Variants in CYB5R4 observed in about 807,000 individuals in gnomAD.
CYB5R4 encodes N-terminal cytochrome b5 and cytochrome b5 oxidoreductase domain-containing protein.
A neutral mutation model predicts 70.2 loss-of-function variants in CYB5R4; 55 were observed. The observed-to-expected ratio is 0.78, with a 90% CI of 0.63 to 0.98. CYB5R4 has a LOEUF of 0.98. CYB5R4 is among the 50% of genes least tolerant of loss of function. The probability of loss-of-function intolerance (pLI) is 0.00; values close to 1 mark genes in which losing one functional copy is unlikely to be tolerated. For synonymous variants in CYB5R4, 197 were observed against 199.5 expected, an observed-to-expected ratio of 0.99 and a Z score of 0.11; for missense variants, 562 against 612.6, an observed-to-expected ratio of 0.92 and a Z score of 0.87.
At chr6:83,886,439 T>C (rs933598837) in intron 2 of CYB5R4, among the ~76,000 whole-genome samples, 1 of 152,196 alleles carries the variant, frequency 6.6e-6, no homozygotes, top group African/African-American at 2.4e-5. Flanking sequence ...AGAAGAAATA[T>C]TATCCATCCC....
chr6:83,905,516 C>T (rs76232266), intron 3 of CYB5R4, among the ~76,000 whole-genome samples: 7 of 152,114 alleles, frequency 4.6e-5, no homozygotes, highest in Non-Finnish European at 8.8e-5. Flanking sequence ...GTGACTTCCT[C>T]GGTGTCTTAG....
At chr6:83,881,429 G>A (rs1358290184) in intron 2 of CYB5R4, among the ~76,000 whole-genome samples, 1 of 152,058 alleles carries the variant, frequency 6.6e-6, no homozygotes, top group Non-Finnish European at 1.5e-5. Flanking sequence ...CCACTCCTTG[G>A]TCTCCCAGAG....
chr6:83,883,996 TA>T (rs948258579), intron 2 of CYB5R4, among the ~76,000 whole-genome samples: 18 of 151,906 alleles, frequency 1.2e-4, no homozygotes, highest in African/African-American at 4.1e-4. Context: ...AATGAAATTC[TA>T]AAAAAAGTTT....
intron 14 of CYB5R4, among the ~76,000 whole-genome samples, chr6:83,943,224 AT>A (rs2099470041): frequency 6.6e-6 from 1 of 152,136 alleles, no homozygotes; most frequent in African/African-American, 2.4e-5. Flanking sequence ...TCTGGCTGGC[AT>A]TTGGTGGGTG....
intron 3 of CYB5R4, among the ~76,000 whole-genome samples, chr6:83,908,723 T>C (rs947798917): frequency 1.3e-5 from 2 of 152,080 alleles, no homozygotes; most frequent in African/African-American, 2.4e-5. Context: ...GAAAAAAAAG[T>C]GAGTAACTTT....
At chr6:83,899,814 C>A (rs1439218635) in intron 3 of CYB5R4, among the ~76,000 whole-genome samples, 1 of 151,898 alleles carries the variant, frequency 6.6e-6, no homozygotes. Flanking sequence ...TGGTGATATC[C>A]CCTTTATCAT....
chr6:83,920,266 A>G (rs1410430985), intron 7 of CYB5R4, among the ~76,000 whole-genome samples: 1 of 152,210 alleles, frequency 6.6e-6, no homozygotes, highest in Non-Finnish European at 1.5e-5. Flanking sequence ...CTTCTATAGT[A>G]GCAGAACCAT....
At position 83,861,507 on chromosome 6, in the gene CYB5R4, G is replaced by A. The variant is rs542789657; in HGVS notation, c.75+1650G>A. 2.8e-4 allele frequency among the ~76,000 whole-genome samples: 42 copies of A among 152,330 alleles called. No individual in the cohort carries two copies. The South Asian group carries it at 8.7e-3, about 32-fold the overall frequency. On this transcript the variant is annotated intron_variant, in intron 1 of 15. Transcript: ENST00000369681. ...AGAAAAAAAATTCGTTTTGGCCAGGGCCACTGTCTTTGGAGTTTGCATGCT... is the reference window on the plus strand; with the variant it reads ...AGAAAAAAAATTCGTTTTGGCCAGGACCACTGTCTTTGGAGTTTGCATGCT...
intron 1 of CYB5R4, among the ~76,000 whole-genome samples, chr6:83,862,975 A>G (rs990058844): frequency 6.6e-6 from 1 of 152,240 alleles, no homozygotes; most frequent in African/African-American, 2.4e-5. Context: ...GATATGATTC[A>G]GGAAAGTGAG....
chr6:83,914,535 T>G, intron 5 of CYB5R4, 87 bp downstream of exon 5: 1 of 1,155,638 alleles, frequency 8.7e-7, no homozygotes, highest in Non-Finnish European at 1.1e-6. Context: ...GCATTTAAAT[T>G]TTTTTCTTTT....
chr6:83,935,873 C>T (rs1027384910), intron 11 of CYB5R4, among the ~76,000 whole-genome samples: 2 of 151,722 alleles, frequency 1.3e-5, no homozygotes, highest in African/African-American at 4.8e-5. Flanking sequence ...TTTACATCTC[C>T]ATGGTAACTT....
chr6:83,932,271 G>A (rs546103867), intron 10 of CYB5R4, among the ~76,000 whole-genome samples: 2 of 152,212 alleles, frequency 1.3e-5, no homozygotes, highest in East Asian at 3.9e-4. Context: ...AATTATCTCA[G>A]TAGTGTTAAA....
chr6:83,953,234 A>T (rs1176558662), intron 14 of CYB5R4, among the ~76,000 whole-genome samples: 1 of 152,136 alleles, frequency 6.6e-6, no homozygotes, highest in Non-Finnish European at 1.5e-5. Context: ...ACTTTTTTTA[A>T]CCCAGTATGT....
chr6:83,870,494 C>T (rs1487662244), intron 2 of CYB5R4, among the ~76,000 whole-genome samples: 1 of 147,522 alleles, frequency 6.8e-6, no homozygotes, highest in East Asian at 2.0e-4. Flanking sequence ...TTTCTGTTTT[C>T]AGAAACTGCA....
At chr6:83,869,756 G>T (rs2099457280) in intron 2 of CYB5R4, among the ~76,000 whole-genome samples, 1 of 151,902 alleles carries the variant, frequency 6.6e-6, no homozygotes, top group South Asian at 2.1e-4. Context: ...CCGGGAGTCA[G>T]AGGTTCCAGT....
intron 10 of CYB5R4, 32 bp from the exon 11 acceptor site, chr6:83,934,563 G>A (rs1408316366): frequency 2.0e-6 from 3 of 1,498,280 alleles, no homozygotes; most frequent in African/African-American, 1.4e-5. Context: ...ATTACTTTAT[G>A]TATCAATAAG....
chr6:83,863,467 G>C (rs1321506730), intron 1 of CYB5R4, among the ~76,000 whole-genome samples: 1 of 152,172 alleles, frequency 6.6e-6, no homozygotes, highest in Non-Finnish European at 1.5e-5. Context: ...TATCTTGACA[G>C]TCCAGAAAAT....
Position 83,909,059 on chromosome 6 carries a change from C to T in CYB5R4, c.381C>T (p.Gly127=). 1 of 1,613,864 alleles carries T rather than the reference C, an allele frequency of 6.2e-7. No individual in the cohort carries two copies. Among genetic ancestry groups the T allele is most frequent in the Non-Finnish European group, 8.5e-7 (1 of 1,179,822 alleles). Residue 127 remains glycine (G), a synonymous_variant, in exon 4 of 16, where the codon GGC becomes GGT. Coordinates refer to ENST00000369681, the MANE Select transcript of CYB5R4 (RefSeq NM_016230.4). ...CCATGCTGAAAGAATGCCTGGTTGGCAGAATGGCCATTAAACCTGCTGTTC... is the reference window on the plus strand; with the variant it reads ...CCATGCTGAAAGAATGCCTGGTTGGTAGAATGGCCATTAAACCTGCTGTTC... ...YESMLKECLV[G]RMAIKPAVLK...
chr6:83,885,346 T>G (rs2099460079), intron 2 of CYB5R4, among the ~76,000 whole-genome samples: 1 of 152,190 alleles, frequency 6.6e-6, no homozygotes, highest in Non-Finnish European at 1.5e-5. Context: ...ATTTTTGACC[T>G]TGAGCCACCA....
Sources: allele counts gnomAD v4.1 joint callset (sites outside exome capture counted in the v4.1 genomes callset), GRCh38; gene constraint gnomAD v4.1.1; transcripts MANE v1.5; gene names NCBI Gene and HGNC (gene_info 2026-07-23, HGNC 2026-07-21).